DNAH3: variants seen among roughly 807,000 people sequenced by gnomAD.
DNAH3 encodes the protein axonemal beta dynein heavy chain 3.
In DNAH3, 332 loss-of-function variants were observed where a neutral mutation model predicts 432.5. The observed-to-expected ratio is 0.77, with a 90% confidence interval of 0.70 to 0.84. The LOEUF (loss-of-function observed/expected upper bound fraction) is 0.84. DNAH3 is among the 40% of genes least tolerant of loss of function. DNAH3 has a pLI of 0.00. For missense variants in DNAH3, 4,861 were observed against 5,114.0 expected (o/e 0.95, Z 1.51); for synonymous variants, 1,956 against 1,900.2 (o/e 1.03, Z -0.76).
At chr16:21,055,614 AAACTT>A (rs760190747) in intron 27 of DNAH3, among the ~76,000 whole-genome samples, 31 of 152,334 alleles carry the variant, frequency 2.0e-4, no homozygotes, top group Non-Finnish European at 3.2e-4. Context: ...AATAAAAAGA[AAACTT>A]AAAAAGGAAA....
In DNAH3 at chr16:21,126,185, CA is replaced by C. The variant is rs35649976; in HGVS notation, c.1209-816del. Among the ~76,000 whole-genome samples the C allele has an allele frequency of 1.6e-4, 21 of 130,240 alleles. 1 individual carries two copies. The highest frequency in any genetic ancestry group is 7.4e-4 in the South Asian group (3 of 4,030). The allele number at this position is 130,240 out of a possible 152,430, so 85.4% of individuals were successfully genotyped here. ...TCTGTCTCAAACAAACAAACAACAACAAACAAACAAAAAGAAATAGATGCTT... is the reference window on the plus strand; with the variant it reads ...TCTGTCTCAAACAAACAAACAACAACAACAAACAAAAAGAAATAGATGCTT... On this transcript the variant is annotated intron_variant, in intron 8 of 61. Coordinates refer to ENST00000261383, the Ensembl canonical transcript of DNAH3.
chr16:21,140,605 G>C (rs201448297), exon 5 of DNAH3: 23 of 1,613,816 alleles, frequency 1.4e-5, no homozygotes, highest in Middle Eastern at 1.6e-4. Flanking sequence ...ACATGACATC[G>C]AGCTGCTGTT....
intron 24 of DNAH3, chr16:21,062,931 T>C: frequency 2.2e-6 from 1 of 456,228 alleles, no homozygotes; most frequent in Non-Finnish European, 3.9e-6. Context: ...CAAGCAATCC[T>C]CTCTCCTCAG....
Position 20,941,532 on chromosome 16 carries a change from C to T in DNAH3, c.11523G>A (p.Glu3841=), listed in dbSNP as rs767195689. The T allele has an allele frequency of 6.2e-6, 10 of 1,614,170 alleles. No homozygotes were observed. The South Asian group carries it at 9.9e-5, about 16-fold the overall frequency. Residue 3841 remains glutamate (E), a synonymous_variant, in exon 59 of 62, where the codon GAG becomes GAA. Transcript: ENST00000261383. ...TGGAGAGAATGTCTTGTGCCAACTC[C>T]TCAACCACTTCCTTAAAATGCAGGC...
At chr16:20,944,402 C>T (rs2083950954) in intron 58 of DNAH3, 94 bp downstream of exon 58, 2 of 1,465,482 alleles carry the variant, frequency 1.4e-6, no homozygotes, top group Non-Finnish European at 1.9e-6. Flanking sequence ...GGCCCCCACT[C>T]TCTGCCTCTT....
At chr16:21,049,778 G>T in intron 30 of DNAH3, 96 bp from the exon 31 acceptor site, 1 of 1,368,778 alleles carries the variant, frequency 7.3e-7, no homozygotes, top group Non-Finnish European at 1.0e-6. Context: ...CTCTCTCCTT[G>T]CTCTGCTTGA....
chr16:20,979,400 C>T, exon 50 of DNAH3: 1 of 1,614,172 alleles, frequency 6.2e-7, no homozygotes, highest in Non-Finnish European at 8.5e-7. Context: ...CACCTCTTGC[C>T]TCTTGCTATT....
At chr16:21,021,919 G>T in intron 40 of DNAH3, 52 bp downstream of exon 40, 1 of 1,594,566 alleles carries the variant, frequency 6.3e-7, no homozygotes, top group Non-Finnish European at 8.5e-7. Flanking sequence ...AAAAGAAATA[G>T]CCAAGGTAGA....
chr16:21,139,320 CTTTTTTTTTTTTTT>C (rs9302391), intron 5 of DNAH3, among the ~76,000 whole-genome samples: 11 of 29,614 alleles, frequency 3.7e-4, no homozygotes, highest in South Asian at 2.8e-3. Flanking sequence ...TTTCCTCATG[CTTTTTTTTTTTTTT>C]TTTTTTTTTT....
chr16:21,072,037 T>C (rs11645297), intron 21 of DNAH3, among the ~76,000 whole-genome samples: 1 of 151,968 alleles, frequency 6.6e-6, no homozygotes, highest in African/African-American at 2.4e-5. Flanking sequence ...TTTTCTTTCA[T>C]TGTAGGTGTA....
intron 20 of DNAH3, among the ~76,000 whole-genome samples, chr16:21,080,830 G>A (rs747512342): frequency 6.6e-6 from 1 of 152,210 alleles, no homozygotes; most frequent in Admixed American, 6.5e-5. Context: ...CTCTGTTCTA[G>A]AGGTAGCATC....
chr16:20,936,677 T>G (rs1596854254), exon 60 of DNAH3: 1 of 1,603,606 alleles, frequency 6.2e-7, no homozygotes, highest in Non-Finnish European at 8.5e-7. Flanking sequence ...GGCCAGCAGG[T>G]CAGCCACGTA....
At chr16:21,157,454 C>A (rs369111300) in intron 1 of DNAH3, among the ~76,000 whole-genome samples, 7 of 151,502 alleles carry the variant, frequency 4.6e-5, no homozygotes, top group Non-Finnish European at 7.4e-5. Flanking sequence ...CTCAGCCTCC[C>A]GAGTAGCTGG....
rs775045957 is a variant in DNAH3, at chr16:21,087,063, G to A, written c.2666-3C>T. 3.1e-6 allele frequency: 5 copies of A among 1,611,926 alleles called. No homozygotes were observed. The Admixed American group carries it at 8.3e-5, about 27-fold the overall frequency. On this transcript the variant is annotated splice_polypyrimidine_tract_variant and splice_region_variant and intron_variant, in intron 18 of 61. Coordinates refer to ENST00000261383, the Ensembl canonical transcript of DNAH3. The stretch of plus-strand genomic sequence containing the variant: ...AGCATTCAGTAAGAAGAGGGGTCCT[G>A]AAATAGAAGAGTGAGGGAAAGGTCA...
intron 41 of DNAH3, among the ~76,000 whole-genome samples, chr16:21,014,829 A>G (rs762907210): frequency 2.6e-5 from 4 of 152,200 alleles, no homozygotes; most frequent in Non-Finnish European, 5.9e-5. Context: ...ACACAATACC[A>G]TTTATATTAA....
chr16:21,145,746 AAC>A (rs931387819), intron 2 of DNAH3, among the ~76,000 whole-genome samples: 1 of 152,234 alleles, frequency 6.6e-6, no homozygotes, highest in African/African-American at 2.4e-5. Context: ...GAGTTTAAAT[AAC>A]ACAGCAGATC....
At chr16:21,075,638 C>G in intron 20 of DNAH3, 77 bp from the exon 21 acceptor site, 1 of 1,083,624 alleles carries the variant, frequency 9.2e-7, no homozygotes, top group Non-Finnish European at 1.4e-6. Flanking sequence ...TCAGGCCAGG[C>G]ATGGTGGCTC....
At chr16:21,023,628 T>A (rs1394262819) in intron 39 of DNAH3, among the ~76,000 whole-genome samples, 2 of 152,024 alleles carry the variant, frequency 1.3e-5, no homozygotes, top group African/African-American at 4.8e-5. Context: ...TGGAGACTGC[T>A]AAGCTGAGGC....
At position 21,080,864 on chromosome 16, in the gene DNAH3, A is replaced by G. The variant is rs1028302898; in HGVS notation, c.2969+772T>C. On this transcript the variant is annotated intron_variant, in intron 20 of 61. Transcript: ENST00000261383. The stretch of plus-strand genomic sequence containing the variant: ...TCCAAATGGTAAAATTCTCACACAC[A>G]AACTCCAGGGGAATTTGGAGAAGGG... 5.9e-5 allele frequency among the ~76,000 whole-genome samples: 9 copies of G among 152,308 alleles called. No homozygotes were observed. In the East Asian group the frequency reaches 1.7e-3, roughly 29 times the overall value.
Sources: allele counts gnomAD v4.1 joint callset (sites outside exome capture counted in the v4.1 genomes callset), GRCh38; gene constraint gnomAD v4.1.1; transcripts MANE v1.5; gene names NCBI Gene and HGNC (gene_info 2026-07-23, HGNC 2026-07-21).